LARGE1: variants seen among roughly 807,000 people sequenced by gnomAD.
LARGE1 encodes LARGE xylosyl- and glucuronyltransferase 1.
Under a neutral mutation model 87.6 loss-of-function variants are expected in LARGE1, and 43 were observed. The ratio of observed to expected loss-of-function variants is 0.49; its 90% CI spans 0.38 to 0.63. The LOEUF is 0.63. LARGE1 is among the 30% of genes least tolerant of loss of function. The pLI, the probability that LARGE1 is intolerant of heterozygous loss-of-function variation, is 0.00. For synonymous variants in LARGE1, 434 were observed against 394.6 expected (o/e 1.10, Z -1.18); for missense variants, 802 against 1,000.2 (o/e 0.80, Z 2.67).
intron 11 of LARGE1, among the ~76,000 whole-genome samples, chr22:33,311,264 A>G (rs1455519890): frequency 6.6e-6 from 1 of 152,112 alleles, no homozygotes; most frequent in East Asian, 1.9e-4. Flanking sequence ...CCGGCCCCGG[A>G]CTTTCTTTTA....
At chr22:33,173,758 T>C (rs1039025111) in intron 11 of LARGE1, among the ~76,000 whole-genome samples, 1 of 151,768 alleles carries the variant, frequency 6.6e-6, no homozygotes, top group Non-Finnish European at 1.5e-5. Context: ...CATTACATAA[T>C]GGTAAAGGGA....
At chr22:33,355,257 A>G (rs1370842262) in intron 9 of LARGE1, among the ~76,000 whole-genome samples, 5 of 152,184 alleles carry the variant, frequency 3.3e-5, no homozygotes, top group Non-Finnish European at 5.9e-5. Context: ...TCTAAGCAAT[A>G]TTGCACAGTA....
At chr22:33,833,493 G>C (rs2063029575) in intron 1 of LARGE1, among the ~76,000 whole-genome samples, 1 of 152,116 alleles carries the variant, frequency 6.6e-6, no homozygotes, top group Non-Finnish European at 1.5e-5. Flanking sequence ...CACAAGCCAA[G>C]GAGAGAGGCC....
At chr22:33,203,076 TCTCTCTCTC>T (rs1924482365) in intron 11 of LARGE1, among the ~76,000 whole-genome samples, 6 of 78,648 alleles carry the variant, frequency 7.6e-5, no homozygotes, top group Admixed American at 6.4e-4. Flanking sequence ...ACTCTCTCTC[TCTCTCTCTC>T]TCTCTCTCTC....
At chr22:33,352,463 G>T (rs1455098813) in intron 9 of LARGE1, among the ~76,000 whole-genome samples, 1 of 152,076 alleles carries the variant, frequency 6.6e-6, no homozygotes, top group Non-Finnish European at 1.5e-5. Flanking sequence ...ACAACTGTTA[G>T]AAGATGCTGG....
At chr22:33,428,082 C>T (rs2066941003) in intron 7 of LARGE1, among the ~76,000 whole-genome samples, 1 of 152,168 alleles carries the variant, frequency 6.6e-6, no homozygotes, top group Non-Finnish European at 1.5e-5. Context: ...AAGTAAAATA[C>T]TTACTCGTTC....
chr22:33,602,858 G>A (rs562933554), intron 5 of LARGE1, among the ~76,000 whole-genome samples: 1 of 152,240 alleles, frequency 6.6e-6, no homozygotes, highest in African/African-American at 2.4e-5. Context: ...GCTCACAGGG[G>A]ACATGGCACT....
chr22:33,113,560 A>C, the LARGE1 span, among the ~76,000 whole-genome samples: 1 of 152,316 alleles, frequency 6.6e-6, no homozygotes, highest in East Asian at 1.9e-4. Flanking sequence ...CCCATTCTAC[A>C]ACTAATGAGC....
At chr22:33,310,340 A>T (rs917050021) in intron 11 of LARGE1, among the ~76,000 whole-genome samples, 1 of 152,140 alleles carries the variant, frequency 6.6e-6, no homozygotes, top group Non-Finnish European at 1.5e-5. Flanking sequence ...TCAAAAACAC[A>T]CTAAAGAACC....
At chr22:33,230,396 C>T (rs1925951025) in intron 11 of LARGE1, among the ~76,000 whole-genome samples, 1 of 152,124 alleles carries the variant, frequency 6.6e-6, no homozygotes, top group Non-Finnish European at 1.5e-5. Context: ...AGTGGTGAGA[C>T]ATTGCTTTGG....
chr22:33,793,472 T>G (rs1340386528), intron 1 of LARGE1, among the ~76,000 whole-genome samples: 1 of 152,204 alleles, frequency 6.6e-6, no homozygotes, highest in Admixed American at 6.5e-5. Context: ...AATGAGGCCT[T>G]AACTCTAGTT....
chr22:33,226,654 T>G (rs1038409614), intron 11 of LARGE1, among the ~76,000 whole-genome samples: 1 of 152,144 alleles, frequency 6.6e-6, no homozygotes, highest in Non-Finnish European at 1.5e-5. Context: ...ATAAAAAACT[T>G]AACGAAAACA....
At chr22:33,360,820 T>C (rs1222961863) in intron 9 of LARGE1, among the ~76,000 whole-genome samples, 1 of 149,900 alleles carries the variant, frequency 6.7e-6, no homozygotes, top group Non-Finnish European at 1.5e-5. Flanking sequence ...CGAAGGCAGG[T>C]ATCTTGTCCA....
intron 7 of LARGE1, among the ~76,000 whole-genome samples, chr22:33,389,741 A>T (rs1460766048): frequency 6.6e-6 from 1 of 152,118 alleles, no homozygotes. Context: ...GTTACTTGGG[A>T]GGCTGAGGCA....
chr22:33,576,356 T>A lies in LARGE1; in HGVS notation c.616-11337A>T, dbSNP rs192667006. On this transcript the variant is annotated intron_variant, in intron 5 of 14. Transcript: ENST00000397394. ...TCTAAGTGTAAAGCTCTGTGCCAGA[T>A]GATTGCTTTGAGGAAATAACAGTGC... 2.3e-4 allele frequency among the ~76,000 whole-genome samples: 35 copies of A among 152,286 alleles called. 3 individuals are homozygous for A. The highest frequency in any genetic ancestry group is 1.4e-3 in the Admixed American group (22 of 15,294).
intron 6 of LARGE1, among the ~76,000 whole-genome samples, chr22:33,513,832 C>CACACACACACAT: frequency 6.6e-6 from 1 of 151,798 alleles, no homozygotes; most frequent in South Asian, 2.1e-4. Context: ...CACACACACA[C>CACACACACACAT]ACACACACAC....
At chr22:33,230,186 A>AT (rs909376988) in intron 11 of LARGE1, among the ~76,000 whole-genome samples, 3 of 151,208 alleles carry the variant, frequency 2.0e-5, no homozygotes, top group African/African-American at 7.3e-5. Context: ...TAATTTTTGT[A>AT]TTTTTTTAGT....
At chr22:33,635,091 C>A (rs1006511630) in intron 3 of LARGE1, among the ~76,000 whole-genome samples, 1 of 151,288 alleles carries the variant, frequency 6.6e-6, no homozygotes, top group African/African-American at 2.4e-5. Context: ...GCACTCTAGC[C>A]TGGGTGACAG....
intron 6 of LARGE1, among the ~76,000 whole-genome samples, chr22:33,462,294 C>T (rs141215368): frequency 2.7e-4 from 41 of 152,220 alleles, no homozygotes; most frequent in African/African-American, 9.2e-4. Context: ...CCAGGAAAAA[C>T]ACCCTTCGGG....
Sources: allele counts gnomAD v4.1 joint callset (sites outside exome capture counted in the v4.1 genomes callset), GRCh38; gene constraint gnomAD v4.1.1; transcripts MANE v1.5; gene names NCBI Gene and HGNC (gene_info 2026-07-23, HGNC 2026-07-21).